ADAMTS16: variants seen among roughly 807,000 people sequenced by gnomAD.
ADAMTS16 encodes the protein ADAM metallopeptidase with thrombospondin type 1 motif 16.
ADAMTS16 carries 94 observed loss-of-function variants against 145.8 expected under a neutral mutation model. The ratio of observed to expected loss-of-function variants is 0.64; its 90% CI spans 0.55 to 0.77. The LOEUF (loss-of-function observed/expected upper bound fraction) is 0.77, where lower values mean the gene tolerates loss of function less well. Ranked by LOEUF, ADAMTS16 falls within the 30% of genes least tolerant of loss-of-function variation. The probability of loss-of-function intolerance (pLI) is 0.00; values close to 1 mark genes in which losing one functional copy is unlikely to be tolerated. For missense variants in ADAMTS16, 1,585 were observed against 1,591.5 expected (o/e 1.00, Z 0.07); for synonymous variants, 659 against 604.3 (o/e 1.09, Z -1.33).
chr5:5,176,972 C>A (rs1341559737), intron 3 of ADAMTS16, among the ~76,000 whole-genome samples: 1 of 152,202 alleles, frequency 6.6e-6, no homozygotes, highest in Non-Finnish European at 1.5e-5. Flanking sequence ...CCAGGTAGAA[C>A]TCAACAATTC....
chr5:5,155,599 C>T (rs1039823047), intron 3 of ADAMTS16, among the ~76,000 whole-genome samples: 20 of 152,160 alleles, frequency 1.3e-4, no homozygotes, highest in Non-Finnish European at 1.9e-4. Flanking sequence ...CCTCAAATCC[C>T]TTAGTAGTAG....
intron 3 of ADAMTS16, among the ~76,000 whole-genome samples, chr5:5,168,692 A>AC (rs1734962542): frequency 5.8e-5 from 1 of 17,378 alleles, no homozygotes; most frequent in Non-Finnish European, 1.1e-4. Context: ...ATATAATTAT[A>AC]TAAATATAAT....
At chr5:5,248,814 T>C (rs1045835303) in intron 17 of ADAMTS16, among the ~76,000 whole-genome samples, 4 of 152,240 alleles carry the variant, frequency 2.6e-5, no homozygotes, top group Admixed American at 6.5e-5. Context: ...TACATATTTT[T>C]ACATTCTCAG....
chr5:5,275,807 C>T (rs1738665882), intron 18 of ADAMTS16, among the ~76,000 whole-genome samples: 1 of 151,504 alleles, frequency 6.6e-6, no homozygotes, highest in South Asian at 2.1e-4. Context: ...TTGGGTTTAC[C>T]TATGTCTTTA....
intron 17 of ADAMTS16, among the ~76,000 whole-genome samples, chr5:5,250,897 C>T (rs1737603942): frequency 6.6e-6 from 1 of 152,138 alleles, no homozygotes. Context: ...CTTCCTCCCT[C>T]CATTCGTCCC....
chr5:5,244,851 A>C (rs1472351008), intron 17 of ADAMTS16, among the ~76,000 whole-genome samples: 1 of 152,198 alleles, frequency 6.6e-6, no homozygotes, highest in African/African-American at 2.4e-5. Context: ...GGCGGTGCTC[A>C]TGTTTCATGG....
rs1224549413 is a variant in ADAMTS16 at position 5,242,187 on chromosome 5, A to AG, written c.2662+1dup. 6.2e-7 allele frequency: 1 copy of AG among 1,613,526 alleles called. No homozygotes were observed. The highest frequency in any genetic ancestry group is 8.5e-7 in the Non-Finnish European group (1 of 1,179,914). Reference sequence around the variant, plus strand: ...GCTCTGAGTGCTCCGTGTCCTGCGGAGGGGGTAGGTGCCTTCCAGTGCTGC... The same window carrying AG: ...GCTCTGAGTGCTCCGTGTCCTGCGGAGGGGGGTAGGTGCCTTCCAGTGCTGC... On this transcript the variant is annotated frameshift_variant, in exon 17 of 23. Coordinates refer to ENST00000274181, the MANE Select transcript of ADAMTS16 (RefSeq NM_139056.4). LOFTEE classifies it high-confidence loss of function.
chr5:5,232,068 A>G, intron 11 of ADAMTS16, among the ~76,000 whole-genome samples: 1 of 152,198 alleles, frequency 6.6e-6, no homozygotes, highest in East Asian at 1.9e-4. Context: ...CAGACTAAGT[A>G]TTCAGATAAC....
chr5:5,168,123 A>G (rs1734931694), intron 3 of ADAMTS16, among the ~76,000 whole-genome samples: 1 of 152,138 alleles, frequency 6.6e-6, no homozygotes, highest in Admixed American at 6.5e-5. Context: ...CAAATTCACT[A>G]ATGTAAAGTA....
chr5:5,236,714 T>C (rs1437699456), intron 13 of ADAMTS16, among the ~76,000 whole-genome samples: 1 of 152,216 alleles, frequency 6.6e-6, no homozygotes, highest in Non-Finnish European at 1.5e-5. Flanking sequence ...ATGCCTACTA[T>C]GTGCCAAACA....
At chr5:5,246,859 T>G (rs1192446082) in intron 17 of ADAMTS16, among the ~76,000 whole-genome samples, 1 of 152,208 alleles carries the variant, frequency 6.6e-6, no homozygotes, top group Non-Finnish European at 1.5e-5. Context: ...CCAAATCATT[T>G]GCAGTCTGGA....
At chr5:5,212,972 A>C (rs1736318536) in intron 10 of ADAMTS16, among the ~76,000 whole-genome samples, 1 of 152,166 alleles carries the variant, frequency 6.6e-6, no homozygotes. Context: ...TGGTTGCTTT[A>C]GAGATTACCG....
At chr5:5,217,881 T>G (rs1366163) in intron 10 of ADAMTS16, among the ~76,000 whole-genome samples, 36,869 of 152,150 alleles carry the variant, frequency 0.24, 5,767 homozygotes, top group East Asian at 0.65. Flanking sequence ...TGCTTTATCA[T>G]CATTGCTTTG....
intron 17 of ADAMTS16, among the ~76,000 whole-genome samples, chr5:5,260,777 A>G (rs1347678487): frequency 6.6e-6 from 1 of 152,222 alleles, no homozygotes; most frequent in African/African-American, 2.4e-5. Flanking sequence ...AAGAAGCCCC[A>G]AAATGTCCAA....
chr5:5,219,807 A>G (rs1408848158), intron 10 of ADAMTS16, among the ~76,000 whole-genome samples: 1 of 152,214 alleles, frequency 6.6e-6, no homozygotes, highest in Non-Finnish European at 1.5e-5. Flanking sequence ...CCAGCATCCT[A>G]TATTTGAAGG....
At chr5:5,257,378 A>ACG (rs1737821951) in intron 17 of ADAMTS16, among the ~76,000 whole-genome samples, 1 of 152,164 alleles carries the variant, frequency 6.6e-6, no homozygotes, top group Non-Finnish European at 1.5e-5. Flanking sequence ...ACAATGAATA[A>ACG]CACATGCACT....
intron 10 of ADAMTS16, among the ~76,000 whole-genome samples, chr5:5,213,671 G>T (rs1736338414): frequency 6.6e-6 from 1 of 152,112 alleles, no homozygotes; most frequent in Non-Finnish European, 1.5e-5. Context: ...TCTCGTGTGT[G>T]GTTCTTCCCC....
chr5:5,182,494 T>C (rs908961388), intron 4 of ADAMTS16, among the ~76,000 whole-genome samples, 189 bp downstream of exon 4: 8 of 152,200 alleles, frequency 5.3e-5, no homozygotes, highest in African/African-American at 1.7e-4. Flanking sequence ...CATCTCTCCA[T>C]GGCAGATGGA....
rs1044520510 is a variant in ADAMTS16, at chr5:5,260,864, T to A, written c.2663-1793T>A. Among the ~76,000 whole-genome samples, 3 of 152,240 alleles carry A rather than the reference T, an allele frequency of 2.0e-5. No individual in the cohort carries two copies. In the East Asian group the frequency reaches 5.8e-4, roughly 29 times the overall value. On this transcript the variant is annotated intron_variant, in intron 17 of 22. Coordinates refer to ENST00000274181, the MANE Select transcript of ADAMTS16 (RefSeq NM_139056.4). ...GGGTTTGACTTCTGTGGAACTGGCA[T>A]GAGGGATTTTTGTGCCTCGTGTCTA...
Sources: allele counts gnomAD v4.1 joint callset (sites outside exome capture counted in the v4.1 genomes callset), GRCh38; gene constraint gnomAD v4.1.1; transcripts MANE v1.5; gene names NCBI Gene and HGNC (gene_info 2026-07-23, HGNC 2026-07-21).